Variants in C6orf132 observed in about 807,000 individuals in gnomAD.
C6orf132 encodes the protein uncharacterized protein C6orf132.
Under a neutral mutation model 65.3 loss-of-function variants are expected in C6orf132, and 43 were observed. The ratio of observed to expected loss-of-function variants is 0.66; its 90% CI spans 0.52 to 0.85. The LOEUF is 0.85. C6orf132 is among the 40% of genes least tolerant of loss of function. C6orf132 has a pLI of 0.00. For missense variants in C6orf132, 1,488 were observed against 1,548.8 expected, an observed-to-expected ratio of 0.96 and a Z score of 0.66; for synonymous variants, 631 against 654.1, an observed-to-expected ratio of 0.96 and a Z score of 0.54.
intron 1 of C6orf132, among the ~76,000 whole-genome samples, chr6:42,130,916 T>C (rs976856978): frequency 6.6e-6 from 1 of 152,252 alleles, no homozygotes; most frequent in South Asian, 2.1e-4. Context: ...TGGATCCCTG[T>C]GCTCTGTCGC....
intron 1 of C6orf132, among the ~76,000 whole-genome samples, chr6:42,139,097 G>C (rs545963349): frequency 1.2e-4 from 19 of 152,264 alleles, no homozygotes; most frequent in Middle Eastern, 3.4e-3. Context: ...TGCAACCACA[G>C]AGCAAACAGT....
At chr6:42,133,290 C>T (rs1270030492) in intron 1 of C6orf132, among the ~76,000 whole-genome samples, 46 of 152,216 alleles carry the variant, frequency 3.0e-4, no homozygotes, top group Admixed American at 3.0e-3. Context: ...GATTTGCTCT[C>T]GGAACAAGAC....
intron 2 of C6orf132, among the ~76,000 whole-genome samples, chr6:42,117,356 C>T (rs921271942): frequency 6.6e-6 from 1 of 152,090 alleles, no homozygotes; most frequent in African/African-American, 2.4e-5. Flanking sequence ...GTACATTGCC[C>T]AAGGTCACAC....
intron 2 of C6orf132, among the ~76,000 whole-genome samples, chr6:42,115,645 C>CA (rs1766554535): frequency 6.6e-6 from 1 of 151,588 alleles, no homozygotes; most frequent in African/African-American, 2.4e-5. Flanking sequence ...GACTCCGTCT[C>CA]AAAAAAATAA....
Position 42,103,897 on chromosome 6 carries a change from T to G in C6orf132, c.3450-19A>C, listed in dbSNP as rs1421084085. 2.9e-6 allele frequency: 4 copies of G among 1,380,302 alleles called. No individual in the cohort carries two copies. The highest frequency in any genetic ancestry group is 1.8e-4 in the Middle Eastern group (1 of 5,406). The allele number at this position is 1,380,302 out of a possible 1,614,324, so 85.5% of individuals were successfully genotyped here. On this transcript the variant is annotated intron_variant, in intron 4 of 4. Coordinates refer to ENST00000341865, the MANE Select transcript of C6orf132 (RefSeq NM_001164446.3). ...GGGAGACCTGGGGGAGAGCAAGAGA[T>G]GTGAGGTGAATATCTGCAGCTGGTT...
chr6:42,112,750 C>T (rs541567977), intron 2 of C6orf132, among the ~76,000 whole-genome samples: 9 of 152,286 alleles, frequency 5.9e-5, no homozygotes, highest in African/African-American at 2.2e-4. Flanking sequence ...ATGGTATCCC[C>T]CAAAGCTGGA....
At chr6:42,117,806 C>G (rs1766604772) in intron 2 of C6orf132, among the ~76,000 whole-genome samples, 1 of 149,108 alleles carries the variant, frequency 6.7e-6, no homozygotes, top group Non-Finnish European at 1.5e-5. Context: ...CACCTGTAAT[C>G]CCAGCTACTT....
chr6:42,105,382 C>T lies in C6orf132; in HGVS notation c.2530G>A (p.Ala844Thr), dbSNP rs1288093815. The change falls in exon 4 of 5, where the codon GCG becomes ACG. Residue 844 changes from alanine (A) to threonine (T), a missense_variant. Ala to Thr is a moderately conservative substitution (Grantham distance 58). Coordinates refer to ENST00000341865, the MANE Select transcript of C6orf132 (RefSeq NM_001164446.3). ...CCCTTCTGAGCCCTCTGCCTGGCCGCCAGGAGCAGGGCCATCGGCGAGCCC... is the reference window on the plus strand; with the variant it reads ...CCCTTCTGAGCCCTCTGCCTGGCCGTCAGGAGCAGGGCCATCGGCGAGCCC... ...ERGSPMALLL[A>T]ARQRAQKGRS... 1 of 1,536,120 alleles carries T rather than the reference C, an allele frequency of 6.5e-7. No individual in the cohort carries two copies. The highest frequency in any genetic ancestry group is 8.7e-7 in the Non-Finnish European group (1 of 1,146,576).
chr6:42,107,720 G>A (rs1766436417), intron 3 of C6orf132, 137 bp from the exon 4 acceptor site: 1 of 1,095,394 alleles, frequency 9.1e-7, no homozygotes. Context: ...ACCAAGAGAG[G>A]GAGCAGCCCT....
In C6orf132 at chr6:42,105,954, G is replaced by GGT; in HGVS notation, c.1956_1957dup (p.Pro653HisfsTer40). The GGT allele has an allele frequency of 1.3e-6, 2 of 1,537,146 alleles. No homozygotes were observed. The highest frequency in any genetic ancestry group is 1.2e-5 in the South Asian group (1 of 84,060). On this transcript the variant is annotated frameshift_variant, in exon 4 of 5. Coordinates refer to ENST00000341865, the MANE Select transcript of C6orf132 (RefSeq NM_001164446.3). LOFTEE classifies it high-confidence loss of function. ...TGTGGCTGGCCAAAGTGTAGCCTTG[G>GGT]GTGGTATGGCTGGCTCAGGTGTGGC...
At position 42,124,369 on chromosome 6, in the gene C6orf132, C is replaced by G. The variant is rs1195953348; in HGVS notation, c.252+4303G>C. Among the ~76,000 whole-genome samples the G allele has an allele frequency of 6.6e-6, 1 of 152,246 alleles. No homozygotes were observed. Among genetic ancestry groups the G allele is most frequent in the East Asian group, 1.9e-4 (1 of 5,188 alleles). Reference sequence around the variant, plus strand: ...GCAGAAGCGCCTGTTGCTGCCTTGTCTCCTTCTCTCTAGCTCTGTCCCCTG... The same window carrying G: ...GCAGAAGCGCCTGTTGCTGCCTTGTGTCCTTCTCTCTAGCTCTGTCCCCTG... On this transcript the variant is annotated intron_variant, in intron 2 of 4. Transcript: ENST00000341865. The surrounding 1 kb of genome is among the most constrained non-coding windows in gnomAD (Gnocchi z 4.0).
chr6:42,130,103 G>A (rs1766828254), intron 1 of C6orf132, among the ~76,000 whole-genome samples: 1 of 152,192 alleles, frequency 6.6e-6, no homozygotes, highest in Non-Finnish European at 1.5e-5. Flanking sequence ...TCCGTGTGCT[G>A]CCCTCCCAAG....
chr6:42,106,027 T>C lies in C6orf132; in HGVS notation c.1885A>G (p.Thr629Ala). The C allele has an allele frequency of 6.5e-7, 1 of 1,537,166 alleles. No homozygotes were observed. Among genetic ancestry groups the C allele is most frequent in the Non-Finnish European group, 8.7e-7 (1 of 1,146,884 alleles). The change falls in exon 4 of 5, where the codon ACA (threonine) becomes GCA (alanine). Residue 629 changes from threonine to alanine, a missense_variant. Coordinates refer to ENST00000341865, the MANE Select transcript of C6orf132 (RefSeq NM_001164446.3). Reference sequence around the variant, plus strand: ...AACATAGCCTTGGGCTGGAGTGATGTAGTTGGCAGCAGGGTGGTGGATTGA... The same window carrying C: ...AACATAGCCTTGGGCTGGAGTGATGCAGTTGGCAGCAGGGTGGTGGATTGA... ...PPQSTTLLPT[T>A]SLQPKAMLGP... is the part of the protein sequence containing the mutation.
intron 2 of C6orf132, 136 bp from the exon 3 acceptor site, chr6:42,110,427 A>G: frequency 1.7e-6 from 1 of 603,738 alleles, no homozygotes; most frequent in Middle Eastern, 2.6e-4. Context: ...TGCATATACC[A>G]AAATATAAAA....
chr6:42,126,968 T>C (rs1235942896), intron 2 of C6orf132: 2 of 276,426 alleles, frequency 7.2e-6, no homozygotes, highest in African/African-American at 4.5e-5. Context: ...TTGGTTTTTT[T>C]CTTTAAGACA....
In C6orf132 at chr6:42,104,761, G is replaced by A; in HGVS notation, c.3151C>T (p.Leu1051=). 6.6e-7 allele frequency: 1 copy of A among 1,518,278 alleles called. No individual in the cohort carries two copies. Among genetic ancestry groups the A allele is most frequent in the Non-Finnish European group, 8.8e-7 (1 of 1,139,026 alleles). 94.1% of individuals were successfully genotyped at this position (1,518,278 alleles called of 1,614,324 possible). A position where few individuals can be genotyped will look rare whatever the true frequency, so the allele number is the denominator to read the frequency against. ...AGARYAGAGG[L]ERFSGGGRSL... is the part of the protein sequence containing the mutation. ...CGGCCCCCTCCCGAGAAGCGCTCCA[G>A]GCCCCCAGCCCCGGCGTAGCGCGCG... Residue 1051 remains leucine (L), a synonymous_variant, in exon 4 of 5, where the codon CTG becomes TTG. Coordinates refer to ENST00000341865, the MANE Select transcript of C6orf132 (RefSeq NM_001164446.3). This position sits in a 1 kb window ranked among gnomAD's most constrained non-coding sequence, Gnocchi z 4.1.
At chr6:42,103,908 T>G in intron 4 of C6orf132, 30 bp from the exon 5 acceptor site, 1 of 1,329,762 alleles carries the variant, frequency 7.5e-7, no homozygotes, top group Non-Finnish European at 9.8e-7. Flanking sequence ...GTGAGGTGAA[T>G]ATCTGCAGCT....
At chr6:42,139,337 G>A (rs1488717389) in intron 1 of C6orf132, among the ~76,000 whole-genome samples, 1 of 152,142 alleles carries the variant, frequency 6.6e-6, no homozygotes, top group Non-Finnish European at 1.5e-5. Context: ...AAGAGGAGCT[G>A]AAGCAGGCAA....
At chr6:42,132,006 G>C (rs1446705867) in intron 1 of C6orf132, among the ~76,000 whole-genome samples, 1 of 152,094 alleles carries the variant, frequency 6.6e-6, no homozygotes, top group Non-Finnish European at 1.5e-5. Context: ...GTGATGCGCT[G>C]TGAGAGGCGC....
Sources: allele counts gnomAD v4.1 joint callset (sites outside exome capture counted in the v4.1 genomes callset), GRCh38; gene constraint gnomAD v4.1.1; non-coding constraint Gnocchi (gnomAD v3.1); transcripts MANE v1.5; gene names NCBI Gene and HGNC (gene_info 2026-07-23, HGNC 2026-07-21).